HAS2: variants seen among roughly 807,000 people sequenced by gnomAD.
The protein encoded by HAS2 is hyaluronan synthase 2.
In HAS2, 16 loss-of-function variants were observed where a neutral mutation model predicts 51.6. That is an observed-to-expected ratio of 0.31 (90% confidence interval 0.21 to 0.47). The LOEUF is 0.47. Ranked by LOEUF, HAS2 falls within the 20% of genes least tolerant of loss-of-function variation. The pLI, the probability that HAS2 is intolerant of heterozygous loss-of-function variation, is 1.00. For synonymous variants in HAS2, 228 were observed against 235.5 expected (o/e 0.97, Z 0.29); for missense variants, 361 against 662.6 (o/e 0.54, Z 5.00).
At chr8:121,625,533 A>G (rs1203907147) in intron 2 of HAS2, among the ~76,000 whole-genome samples, 1 of 142,974 alleles carries the variant, frequency 7.0e-6, no homozygotes, top group African/African-American at 2.6e-5. Flanking sequence ...TTTTTTTTCC[A>G]TTTTTTGAGA....
At chr8:121,634,516 C>T (rs1812982945) in intron 1 of HAS2, among the ~76,000 whole-genome samples, 2 of 151,380 alleles carry the variant, frequency 1.3e-5, no homozygotes, top group African/African-American at 2.4e-5. Flanking sequence ...TGCACATACT[C>T]TATGGCCAGG....
In HAS2 at chr8:121,614,303, G is replaced by A. The variant is rs761756174; in HGVS notation, c.1465C>T (p.Leu489=). 2.0e-5 allele frequency: 32 copies of A among 1,614,132 alleles called. No homozygotes were observed. The East Asian group carries it at 7.1e-4, about 36-fold the overall frequency. The change falls in exon 4 of 4, where the codon CTG becomes TTG. Residue 489 remains leucine, a synonymous_variant. Transcript: ENST00000303924. The surrounding 1 kb of genome is among the most constrained non-coding windows in gnomAD (Gnocchi z 7.2). ...TAAATGGTGAAAATCACACCACCCAGGAGGATTGTAAACCAAACTGATACT... is the reference window on the plus strand; with the variant it reads ...TAAATGGTGAAAATCACACCACCCAAGAGGATTGTAAACCAAACTGATACT... ...IPVSVWFTIL[L]GGVIFTIYKE...
rs1158633621 is a variant in HAS2, at chr8:121,613,790, CCATGATAACCCACATAAAG to C, written c.*300_*318del. 1 of 285,610 alleles carries C rather than the reference CCATGATAACCCACATAAAG, an allele frequency of 3.5e-6. No homozygotes were observed. The highest frequency in any genetic ancestry group is 2.2e-5 in the African/African-American group (1 of 45,942). 17.7% of individuals were successfully genotyped at this position (285,610 alleles called of 1,614,324 possible). A position where few individuals can be genotyped will look rare whatever the true frequency, so the allele number is the denominator to read the frequency against. On this transcript the variant is annotated 3_prime_UTR_variant, in exon 4 of 4. Coordinates refer to ENST00000303924, the MANE Select transcript of HAS2 (RefSeq NM_005328.3). ...CTTGAGTTTCCAAAATCCTTTTCTT[CCATGATAACCCACATAAAG>C]CATGGCTAGTGAGGTATATAGGGCA... is the stretch of plus-strand genomic sequence containing the variant.
At chr8:121,622,796 T>C (rs534413496) in intron 2 of HAS2, among the ~76,000 whole-genome samples, 5 of 152,270 alleles carry the variant, frequency 3.3e-5, no homozygotes, top group African/African-American at 1.2e-4. Flanking sequence ...TAATCTTGAT[T>C]TTCTATTTAT....
chr8:121,625,097 CAAAAAAAAAAAAA>C (rs537345385), intron 2 of HAS2, among the ~76,000 whole-genome samples: 1 of 57,954 alleles, frequency 1.7e-5, no homozygotes, highest in African/African-American at 6.3e-5. Context: ...GACTCCGTCT[CAAAAAAAAAAAAA>C]AAAAAAAAAA....
At chr8:121,627,909 A>G (rs1287839717) in intron 2 of HAS2, among the ~76,000 whole-genome samples, 2 of 152,158 alleles carry the variant, frequency 1.3e-5, no homozygotes, top group African/African-American at 4.8e-5. Context: ...TAATTATTAT[A>G]AAGTATCTGC....
In HAS2 at chr8:121,641,153, CT is replaced by C. The variant is rs1209985524; in HGVS notation, c.-302del. ...TAAATTAACTTTTCTTTTTTCTTTTCTTTTCTTTTTTTTTTTTTTTTTTTTT... is the reference window on the plus strand; with the variant it reads ...TAAATTAACTTTTCTTTTTTCTTTTCTTTCTTTTTTTTTTTTTTTTTTTTT... On this transcript the variant is annotated 5_prime_UTR_variant, in exon 1 of 4. Transcript: ENST00000303924. The C allele has an allele frequency of 2.2e-5, 1 of 44,590 alleles. No homozygotes were observed. Among genetic ancestry groups the C allele is most frequent in the African/African-American group, 1.1e-4 (1 of 9,216 alleles). The allele number at this position is 44,590 out of a possible 1,614,324, so 2.8% of individuals were successfully genotyped here.
chr8:121,617,352 C>T (rs1167427889), intron 2 of HAS2, 146 bp from the exon 3 acceptor site: 2 of 584,628 alleles, frequency 3.4e-6, no homozygotes, highest in Non-Finnish European at 6.1e-6. Flanking sequence ...TAACAGAGGC[C>T]TTGTTATATC....
intron 2 of HAS2, among the ~76,000 whole-genome samples, chr8:121,618,960 AT>A (rs1309491423): frequency 6.6e-6 from 1 of 151,934 alleles, no homozygotes; most frequent in Non-Finnish European, 1.5e-5. Flanking sequence ...CCAGTTTTGA[AT>A]TTAAAAAAAA....
chr8:121,619,144 G>T (rs1027042245), intron 2 of HAS2, among the ~76,000 whole-genome samples: 1 of 151,660 alleles, frequency 6.6e-6, no homozygotes, highest in Non-Finnish European at 1.5e-5. Context: ...GGGAAGCTAA[G>T]GCGGGGGGAT....
chr8:121,638,195 T>C (rs186692267), intron 1 of HAS2, among the ~76,000 whole-genome samples: 5 of 152,314 alleles, frequency 3.3e-5, no homozygotes, highest in Admixed American at 6.5e-5. Flanking sequence ...ATTTATGAAA[T>C]TCAATACTAT....
intron 2 of HAS2, among the ~76,000 whole-genome samples, chr8:121,619,551 T>C (rs1204406863): frequency 2.0e-5 from 3 of 152,066 alleles, no homozygotes; most frequent in African/African-American, 7.2e-5. Context: ...AAAAAAAAAT[T>C]AGGCAGAAGC....
At chr8:121,618,372 G>A (rs1812733838) in intron 2 of HAS2, among the ~76,000 whole-genome samples, 1 of 152,154 alleles carries the variant, frequency 6.6e-6, no homozygotes, top group Non-Finnish European at 1.5e-5. Context: ...AAAAGGTACA[G>A]CTGATACCTG....
intron 2 of HAS2, among the ~76,000 whole-genome samples, chr8:121,621,739 C>T (rs913918864): frequency 5.3e-5 from 8 of 152,178 alleles, no homozygotes; most frequent in African/African-American, 1.9e-4. Context: ...TCACAACAAT[C>T]TAAATAAAAA....
intron 2 of HAS2, among the ~76,000 whole-genome samples, chr8:121,622,778 T>C (rs942096565): frequency 2.6e-5 from 4 of 152,134 alleles, no homozygotes; most frequent in Non-Finnish European, 5.9e-5. Flanking sequence ...TTGTATAACT[T>C]TATTTTTTAA....
Position 121,614,382 on chromosome 8 carries a change from C to A in HAS2, c.1386G>T (p.Gly462=), listed in dbSNP as rs758920049. The A allele has an allele frequency of 6.2e-7, 1 of 1,614,108 alleles. No individual in the cohort carries two copies. The highest frequency in any genetic ancestry group is 8.5e-7 in the Non-Finnish European group (1 of 1,179,988). Residue 462 remains glycine, a synonymous_variant, in exon 4 of 4, where the codon GGG becomes GGT. Coordinates refer to ENST00000303924, the MANE Select transcript of HAS2 (RefSeq NM_005328.3). The surrounding 1 kb of genome is among the most constrained non-coding windows in gnomAD (Gnocchi z 7.2). ...MFAIATINKA[G]WGTSGRKTIV... is the part of the protein sequence containing the mutation. ...TGGTTTTCCTTCCTGATGTGCCCCA[C>A]CCAGCTTTGTTTATTGTTGCAATTG...
intron 3 of HAS2, among the ~76,000 whole-genome samples, chr8:121,616,442 C>CTTT (rs531349255): frequency 2.8e-5 from 4 of 140,978 alleles, no homozygotes; most frequent in African/African-American, 7.8e-5. Context: ...TTTTCTTTTT[C>CTTT]TTTTTTTTTT....
In HAS2 at chr8:121,629,076, T is replaced by G. The variant is rs1186334769; in HGVS notation, c.265A>C (p.Ile89Leu). 1 of 1,614,166 alleles carries G rather than the reference T, an allele frequency of 6.2e-7. No homozygotes were observed. The highest frequency in any genetic ancestry group is 8.5e-7 in the Non-Finnish European group (1 of 1,179,986). ...IKLNKTVALC[I>L]AAYQEDPDYL... is the part of the protein sequence containing the mutation. Reference sequence around the variant, plus strand: ...TCTGGATCTTCTTGATAGGCAGCGATGCAAAGGGCAACTGTTTTGTTCAAC... The same window carrying G: ...TCTGGATCTTCTTGATAGGCAGCGAGGCAAAGGGCAACTGTTTTGTTCAAC... Residue 89 changes from isoleucine to leucine, a missense_variant, in exon 2 of 4, where the codon ATC becomes CTC. This residue lies in a region of HAS2 where 145 missense variants were observed against 217.6 expected (regional missense o/e 0.67). Transcript: ENST00000303924.
At position 121,613,958 on chromosome 8, in the gene HAS2, G is replaced by T. The variant is rs1306794193; in HGVS notation, c.*151C>A. 3 of 1,103,048 alleles carry T rather than the reference G, an allele frequency of 2.7e-6. No homozygotes were observed. The highest frequency in any genetic ancestry group is 3.9e-6 in the Non-Finnish European group (3 of 764,532). 68.3% of individuals were successfully genotyped at this position (1,103,048 alleles called of 1,614,324 possible). A position where few individuals can be genotyped will look rare whatever the true frequency, so the allele number is the denominator to read the frequency against. On this transcript the variant is annotated 3_prime_UTR_variant, in exon 4 of 4. Coordinates refer to ENST00000303924, the MANE Select transcript of HAS2 (RefSeq NM_005328.3). ...GTTGATGTATTGTTTTACTTTGGCA[G>T]AATGAAAATAAACCCATATAAATGT...
Sources: gnomAD v4.1 joint callset for allele counts (sites outside exome capture counted in the v4.1 genomes callset) on GRCh38, gnomAD v4.1.1 for gene constraint, gnomAD v4.1.1 regional missense constraint, Gnocchi (gnomAD v3.1) non-coding constraint, MANE v1.5 for transcripts, NCBI Gene and HGNC (gene_info 2026-07-23, HGNC 2026-07-21) for gene names.